MTMR12: variants seen among roughly 807,000 people sequenced by gnomAD.
MTMR12 encodes myotubularin-related protein 12.
In MTMR12, 33 loss-of-function variants were observed where a neutral mutation model predicts 96.7. The ratio of observed to expected loss-of-function variants is 0.34; its 90% CI spans 0.26 to 0.46. MTMR12 has a LOEUF of 0.46. MTMR12 is among the 20% of genes least tolerant of loss of function. MTMR12 has a pLI of 1.00. For missense variants in MTMR12, 721 were observed against 896.1 expected, an observed-to-expected ratio of 0.80 and a Z score of 2.49; for synonymous variants, 298 against 327.2, an observed-to-expected ratio of 0.91 and a Z score of 0.96.
At chr5:32,311,084 G>C (rs1382649186) in intron 1 of MTMR12, among the ~76,000 whole-genome samples, 1 of 152,046 alleles carries the variant, frequency 6.6e-6, no homozygotes, top group Non-Finnish European at 1.5e-5. Flanking sequence ...TCCAACTTCT[G>C]ACCTCAGGTG....
intron 10 of MTMR12, among the ~76,000 whole-genome samples, chr5:32,245,126 C>T (rs1485099824): frequency 4.6e-5 from 7 of 152,178 alleles, no homozygotes; most frequent in African/African-American, 1.7e-4. Context: ...ACCTCTGCCT[C>T]CCGGGTTCAA....
At chr5:32,232,997 G>A (rs1012764432) in intron 15 of MTMR12, 11 of 985,210 alleles carry the variant, frequency 1.1e-5, no homozygotes, top group Non-Finnish European at 1.3e-5. Flanking sequence ...CTGTGGGGGA[G>A]AAATTCTGGG....
rs377726335 is a variant in MTMR12, at chr5:32,263,097, A to G, written c.713+16T>C. The G allele has an allele frequency of 2.5e-6, 4 of 1,613,834 alleles. No individual in the cohort carries two copies. The African/African-American group carries it at 5.3e-5, about 22-fold the overall frequency. ...TGGGTGAATTGTACAGCATGTGCCCAGCATGGAAAGCTTACCTCTCACAGA... is the reference window on the plus strand; with the variant it reads ...TGGGTGAATTGTACAGCATGTGCCCGGCATGGAAAGCTTACCTCTCACAGA... On this transcript the variant is annotated intron_variant, in intron 7 of 15. Coordinates refer to ENST00000382142, the MANE Select transcript of MTMR12 (RefSeq NM_001040446.3).
intron 13 of MTMR12, among the ~76,000 whole-genome samples, chr5:32,236,086 G>C (rs1748216472): frequency 6.6e-6 from 1 of 152,138 alleles, no homozygotes; most frequent in Non-Finnish European, 1.5e-5. Context: ...TCATTAAATA[G>C]AGTGGAAAAT....
intron 1 of MTMR12, among the ~76,000 whole-genome samples, chr5:32,304,327 AAAAAG>A (rs1453871539): frequency 1.3e-5 from 2 of 152,158 alleles, no homozygotes; most frequent in Non-Finnish European, 2.9e-5. Flanking sequence ...CTCCAAAAAA[AAAAAG>A]AAAAGAAAAG....
chr5:32,286,826 G>A lies in MTMR12; in HGVS notation c.82-10084C>T, dbSNP rs543815657. 6.4e-4 allele frequency among the ~76,000 whole-genome samples: 98 copies of A among 152,234 alleles called. 1 individual carries two copies. The highest frequency in any genetic ancestry group is 2.3e-3 in the African/African-American group (94 of 41,536). Reference sequence around the variant, plus strand: ...ACAATCCAACCTGCCTCCCCTGGCCGACCATGCCTCCTCCTTCTGGGCACT... The same window carrying A: ...ACAATCCAACCTGCCTCCCCTGGCCAACCATGCCTCCTCCTTCTGGGCACT... On this transcript the variant is annotated intron_variant, in intron 1 of 15. Transcript: ENST00000382142.
rs1750287218 is a variant in MTMR12 at position 32,281,312 on chromosome 5, TC to T, written c.82-4571del. ...CTAGTAACTTCTACTTTTCTCCCAA[TC>T]TTGTTTCCCATATTAAACTAAATTG... On this transcript the variant is annotated intron_variant, in intron 1 of 15. Coordinates refer to ENST00000382142, the MANE Select transcript of MTMR12 (RefSeq NM_001040446.3). Among the ~76,000 whole-genome samples the T allele has an allele frequency of 2.0e-5, 3 of 147,256 alleles. No homozygotes were observed. In the South Asian group the frequency reaches 6.6e-4, roughly 33 times the overall value.
chr5:32,259,040 T>C (rs1388364554), intron 7 of MTMR12, among the ~76,000 whole-genome samples: 9 of 152,142 alleles, frequency 5.9e-5, no homozygotes, highest in African/African-American at 2.2e-4. Flanking sequence ...TCCTGACCAC[T>C]TAATTCCAGG....
intron 7 of MTMR12, among the ~76,000 whole-genome samples, chr5:32,261,660 G>A (rs1749362596): frequency 1.3e-5 from 2 of 152,194 alleles, no homozygotes; most frequent in Non-Finnish European, 2.9e-5. Flanking sequence ...AGCTCCAAGA[G>A]GGCAGAGGTT....
At chr5:32,234,165 G>A (rs1748116044) in intron 14 of MTMR12, among the ~76,000 whole-genome samples, 1 of 152,216 alleles carries the variant, frequency 6.6e-6, no homozygotes, top group Admixed American at 6.5e-5. Flanking sequence ...CAGCCGCTGT[G>A]CTGGGTGCTT....
At chr5:32,287,923 G>C (rs991908435) in intron 1 of MTMR12, among the ~76,000 whole-genome samples, 24 of 152,150 alleles carry the variant, frequency 1.6e-4, no homozygotes, top group African/African-American at 5.8e-4. Context: ...AGTGGACAAA[G>C]TGATGAATGA....
intron 12 of MTMR12, among the ~76,000 whole-genome samples, 155 bp from the exon 13 acceptor site, chr5:32,239,328 A>G (rs1262740986): frequency 6.6e-6 from 1 of 152,282 alleles, no homozygotes; most frequent in Non-Finnish European, 1.5e-5. Context: ...GCAAGGGCCA[A>G]TAACAAAGGG....
Position 32,274,002 on chromosome 5 carries a change from T to C in MTMR12, c.263A>G (p.Asp88Gly), listed in dbSNP as rs1201391428. ...TDFKIAFLGD[D>G]ESALDNDETQ... ...TACATCATTATCCAATGCAGATTCA[T>C]CATCACCCAAGAAGGCAATCTTGAA... The change falls in exon 3 of 16, where the codon GAT becomes GGT. Residue 88 changes from aspartate (D) to glycine (G), a missense_variant. Coordinates refer to ENST00000382142, the MANE Select transcript of MTMR12 (RefSeq NM_001040446.3). 1 of 1,614,196 alleles carries C rather than the reference T, an allele frequency of 6.2e-7. No individual in the cohort carries two copies. The highest frequency in any genetic ancestry group is 2.2e-5 in the East Asian group (1 of 44,878).
intron 6 of MTMR12, among the ~76,000 whole-genome samples, chr5:32,266,574 G>C (rs900726367): frequency 4.0e-5 from 6 of 151,804 alleles, no homozygotes; most frequent in Non-Finnish European, 8.8e-5. Context: ...TGTAATCCTA[G>C]CTAATCAGGA....
chr5:32,303,168 A>G lies in MTMR12; in HGVS notation c.81+9590T>C, dbSNP rs138555912. On this transcript the variant is annotated intron_variant, in intron 1 of 15. Coordinates refer to ENST00000382142, the MANE Select transcript of MTMR12 (RefSeq NM_001040446.3). Reference sequence around the variant, plus strand: ...AAGTATCCTGTGCTAGGGGCTTTACATGCATAATGGCATTTGATATTAATA... The same window carrying G: ...AAGTATCCTGTGCTAGGGGCTTTACGTGCATAATGGCATTTGATATTAATA... 5.5e-3 allele frequency among the ~76,000 whole-genome samples: 837 copies of G among 152,334 alleles called. 11 individuals carry two copies. The highest frequency in any genetic ancestry group is 0.019 in the African/African-American group (769 of 41,564).
intron 13 of MTMR12, among the ~76,000 whole-genome samples, chr5:32,235,617 A>G (rs1748196515): frequency 6.6e-6 from 1 of 152,200 alleles, no homozygotes; most frequent in African/African-American, 2.4e-5. Flanking sequence ...ACAGGGTTTG[A>G]TCTTGGAGAC....
chr5:32,267,597 T>C (rs1749651471), intron 6 of MTMR12, among the ~76,000 whole-genome samples: 1 of 152,190 alleles, frequency 6.6e-6, no homozygotes, highest in South Asian at 2.1e-4. Flanking sequence ...ACTAAATTAG[T>C]TGCTGGATGT....
intron 15 of MTMR12, among the ~76,000 whole-genome samples, chr5:32,230,850 A>G (rs1255480556): frequency 2.0e-5 from 3 of 152,244 alleles, no homozygotes; most frequent in African/African-American, 7.2e-5. Context: ...ATACTATCAC[A>G]TGGGTGAAAT....
intron 11 of MTMR12, among the ~76,000 whole-genome samples, chr5:32,243,052 A>C (rs1748543994): frequency 6.6e-6 from 1 of 152,240 alleles, no homozygotes; most frequent in African/African-American, 2.4e-5. Context: ...TCAATATAGA[A>C]AGTAGGAAAG....
Sources: gnomAD v4.1 joint callset for allele counts (sites outside exome capture counted in the v4.1 genomes callset) on GRCh38, gnomAD v4.1.1 for gene constraint, MANE v1.5 for transcripts, NCBI Gene and HGNC (gene_info 2026-07-23, HGNC 2026-07-21) for gene names.